The following KRT77 variants were observed in gnomAD, a reference collection of about 807,000 sequenced individuals.
KRT77 encodes the protein keratin 77.
A neutral mutation model predicts 51.5 loss-of-function variants in KRT77; 44 were observed. The ratio of observed to expected loss-of-function variants is 0.85; its 90% confidence interval spans 0.67 to 1.10. The LOEUF (loss-of-function observed/expected upper bound fraction) is 1.10. Ranked by LOEUF, KRT77 falls within the 50% of genes least tolerant of loss-of-function variation. The pLI, the probability that KRT77 is intolerant of heterozygous loss-of-function variation, is 0.00. For missense variants in KRT77, 763 were observed against 743.9 expected (o/e 1.03, Z -0.30); for synonymous variants, 293 against 302.0 (o/e 0.97, Z 0.31).
chr12:52,694,307 G>T (rs759831047), intron 5 of KRT77, among the ~76,000 whole-genome samples: 18 of 152,214 alleles, frequency 1.2e-4, no homozygotes, highest in African/African-American at 4.3e-4. Flanking sequence ...AAAGCACTTT[G>T]TGCAGTGCCT....
chr12:52,696,809 T>G (rs1941799880), intron 2 of KRT77: 1 of 192,462 alleles, frequency 5.2e-6, no homozygotes. Flanking sequence ...GAGAAAAAAT[T>G]TAATCTACAT....
In KRT77 at chr12:52,703,326, C is replaced by A; in HGVS notation, c.109G>T (p.Val37Leu). 1 of 1,614,166 alleles carries A rather than the reference C, an allele frequency of 6.2e-7. No homozygotes were observed. Among genetic ancestry groups the A allele is most frequent in the Non-Finnish European group, 8.5e-7 (1 of 1,180,048 alleles). The change falls in exon 1 of 9, where the codon GTG becomes TTG. Residue 37 changes from valine (V) to leucine (L), a missense_variant. By Grantham distance (32) the Val-to-Leu change is conservative (BLOSUM62 1). Transcript: ENST00000341809. ...SGGGSPAVGSVCYARGRCGGG... is the reference protein window; with the variant it reads ...SGGGSPAVGSLCYARGRCGGG... ...CCACACCTCCCTCGAGCATAACACA[C>A]AGAACCCACTGCCGGACTCCCACCA...
intron 6 of KRT77, 56 bp from the exon 7 acceptor site, chr12:52,692,697 G>T: frequency 6.3e-7 from 1 of 1,596,818 alleles, no homozygotes; most frequent in Non-Finnish European, 8.6e-7. Flanking sequence ...AGCTCGATCT[G>T]GCAGGGCATT....
chr12:52,693,459 C>T (rs1941747293), intron 5 of KRT77: 1 of 152,446 alleles, frequency 6.6e-6, no homozygotes, highest in African/African-American at 2.4e-5. Flanking sequence ...CTATTTTTCA[C>T]TGTTGGCCAT....
chr12:52,694,372 T>C (rs1941760580), intron 5 of KRT77, among the ~76,000 whole-genome samples: 1 of 152,184 alleles, frequency 6.6e-6, no homozygotes, highest in Admixed American at 6.5e-5. Context: ...GTAATTGCAG[T>C]TCTCGTCATT....
intron 1 of KRT77, 94 bp from the exon 2 acceptor site, chr12:52,697,990 C>T: frequency 1.4e-6 from 2 of 1,425,702 alleles, no homozygotes; most frequent in Non-Finnish European, 2.0e-6. Context: ...ACATCCAGAC[C>T]TCAGAGAATC....
intron 7 of KRT77, among the ~76,000 whole-genome samples, chr12:52,692,207 C>G (rs1005858941): frequency 2.6e-5 from 4 of 152,206 alleles, no homozygotes; most frequent in Non-Finnish European, 5.9e-5. Context: ...GGACATTCTA[C>G]TTGGAGGTGG....
intron 1 of KRT77, among the ~76,000 whole-genome samples, chr12:52,701,627 G>C (rs1328412397): frequency 6.6e-6 from 1 of 152,236 alleles, no homozygotes. Flanking sequence ...GGAGGTGCTA[G>C]TGGCCGCTGT....
rs1941689820 is a variant in KRT77, at chr12:52,690,665, C to T, written c.*500G>A. 5.4e-6 allele frequency: 1 copy of T among 186,082 alleles called. No individual in the cohort carries two copies. The highest frequency in any genetic ancestry group is 1.1e-5 in the Non-Finnish European group (1 of 89,362). The allele number at this position is 186,082 out of a possible 1,614,324, so 11.5% of individuals were successfully genotyped here. A position where few individuals can be genotyped will look rare whatever the true frequency, so the allele number is the denominator to read the frequency against. On this transcript the variant is annotated 3_prime_UTR_variant, in exon 9 of 9. Transcript: ENST00000341809. ...CTCCATTATGCGCCTTGTCGATGCT[C>T]TCTACAGGCTGTTTCTGTTTCCCTC...
intron 5 of KRT77, among the ~76,000 whole-genome samples, chr12:52,693,237 A>G (rs374382701): frequency 6.7e-6 from 1 of 150,102 alleles, no homozygotes; most frequent in Non-Finnish European, 1.5e-5. Flanking sequence ...TCCACCCACC[A>G]TATAGCTTCC....
intron 4 of KRT77, chr12:52,695,199 G>A (rs1330203824): frequency 1.2e-5 from 2 of 162,608 alleles, no homozygotes; most frequent in Non-Finnish European, 2.7e-5. Flanking sequence ...CCATTGACTA[G>A]CTAGGTAATG....
chr12:52,700,229 G>A (rs1941866739), intron 1 of KRT77, among the ~76,000 whole-genome samples: 1 of 152,002 alleles, frequency 6.6e-6, no homozygotes, highest in African/African-American at 2.4e-5. Context: ...CTGGGTGCTA[G>A]GGATTTGGTA....
rs200605894 is a variant in KRT77 at position 52,691,943 on chromosome 12, C to T, written c.1457G>A (p.Ser486Asn). Residue 486 changes from serine (S) to asparagine (N), a missense_variant, in exon 8 of 9, where the codon AGC (serine) becomes AAC (asparagine). Coordinates refer to ENST00000341809, the MANE Select transcript of KRT77 (RefSeq NM_175078.3). The stretch of plus-strand genomic sequence containing the variant: ...CCCTGGGCTCTGCTACTTACAGATG[C>T]TCACATGGCTCTGCAGCTCTCCTGA... ...RMSGELQSHV[S>N]ISVQNSQVSV... 5 of 1,613,914 alleles carry T rather than the reference C, an allele frequency of 3.1e-6. No individual in the cohort carries two copies. The highest frequency in any genetic ancestry group is 4.2e-6 in the Non-Finnish European group (5 of 1,180,028).
chr12:52,692,042 A>C, intron 7 of KRT77, 70 bp from the exon 8 acceptor site: 1 of 1,525,438 alleles, frequency 6.6e-7, no homozygotes, highest in Non-Finnish European at 9.1e-7. Flanking sequence ...GCCCACAGAC[A>C]TCTGGATCAG....
rs774933335 is a variant in KRT77 at position 52,691,348 on chromosome 12, G to A, written c.1554C>T (p.Gly518=). 3.1e-6 allele frequency: 5 copies of A among 1,594,390 alleles called. No homozygotes were observed. The highest frequency in any genetic ancestry group is 1.3e-5 in the African/African-American group (1 of 74,604). The stretch of plus-strand genomic sequence containing the variant: ...CGCGGTAGCTTCTTCCGCCGCCATA[G>A]CCCCCACCGCTGCCGCCGCCGTAGC... ...SGGYGGGSGG[G]YGGGRSYRGG... The change falls in exon 9 of 9, where the codon GGC becomes GGT. Residue 518 remains glycine, a synonymous_variant. Coordinates refer to ENST00000341809, the MANE Select transcript of KRT77 (RefSeq NM_175078.3).
In KRT77 at chr12:52,696,837, C is replaced by G. The variant is rs573719890; in HGVS notation, c.759-407G>C. The G allele has an allele frequency of 3.5e-4, 61 of 175,368 alleles. 1 individual carries two copies. In the South Asian group the frequency reaches 8.0e-3, roughly 23 times the overall value. 10.9% of individuals were successfully genotyped at this position (175,368 alleles called of 1,614,324 possible). A position where few individuals can be genotyped will look rare whatever the true frequency, so the allele number is the denominator to read the frequency against. On this transcript the variant is annotated intron_variant, in intron 2 of 8. Transcript: ENST00000341809. ...ATCTACATTTCTGTACCCCACCCCC[C>G]ACCAGCACCTCCAGTGTGGATTTCA...
rs564744341 is a variant in KRT77, at chr12:52,695,822, C to T, written c.865G>A (p.Val289Met). 6.7e-5 allele frequency: 108 copies of T among 1,613,928 alleles called. No homozygotes were observed. The highest frequency in any genetic ancestry group is 9.0e-5 in the Non-Finnish European group (106 of 1,179,886). The change falls in exon 4 of 9, where the codon GTG becomes ATG. Residue 289 changes from valine (V) to methionine (M), a missense_variant. Transcript: ENST00000341809. ...TTGACCTCCCCAGTCAGAGTGTCCACCCTGGACTCCAGGTCCACTTTGCTC... is the reference window on the plus strand; with the variant it reads ...TTGACCTCCCCAGTCAGAGTGTCCATCCTGGACTCCAGGTCCACTTTGCTC... ...YVSKVDLESR[V>M]DTLTGEVNFL...
At chr12:52,697,213 G>A (rs1452113021) in intron 2 of KRT77, among the ~76,000 whole-genome samples, 4 of 152,308 alleles carry the variant, frequency 2.6e-5, no homozygotes, top group Admixed American at 2.6e-4. Flanking sequence ...AAACACTCTT[G>A]CTGCATCCCA....
At chr12:52,698,907 G>A (rs574751170) in intron 1 of KRT77, among the ~76,000 whole-genome samples, 3 of 152,296 alleles carry the variant, frequency 2.0e-5, no homozygotes, top group African/African-American at 4.8e-5. Context: ...TGGTCAGAAC[G>A]GAACCCTGAA....
Sources: allele counts gnomAD v4.1 joint callset (sites outside exome capture counted in the v4.1 genomes callset), GRCh38; gene constraint gnomAD v4.1.1; transcripts MANE v1.5; gene names NCBI Gene and HGNC (gene_info 2026-07-23, HGNC 2026-07-21).